The following ZNF804B variants were observed in gnomAD, a reference collection of about 807,000 sequenced individuals.
ZNF804B encodes zinc finger 804B.
ZNF804B carries 80 observed loss-of-function variants against 101.4 expected under a neutral mutation model. The observed-to-expected ratio is 0.79, with a 90% CI of 0.66 to 0.95. The LOEUF is 0.95. ZNF804B is among the 40% of genes least tolerant of loss of function. The pLI, the probability that ZNF804B is intolerant of heterozygous loss-of-function variation, is 0.00. For missense variants in ZNF804B, 1,673 were observed against 1,561.9 expected (o/e 1.07, Z -1.20); for synonymous variants, 622 against 558.8 (o/e 1.11, Z -1.59).
chr7:88,854,406 T>TCTTCCTTCCTTC (rs1554340131), intron 1 of ZNF804B, among the ~76,000 whole-genome samples: 4 of 126,740 alleles, frequency 3.2e-5, no homozygotes, highest in African/African-American at 1.3e-4. Flanking sequence ...TTTCTTTCTT[T>TCTTCCTTCCTTC]CTTTCTTCCT....
intron 1 of ZNF804B, among the ~76,000 whole-genome samples, chr7:89,008,811 A>T (rs1788410281): frequency 6.6e-6 from 1 of 151,872 alleles, no homozygotes; most frequent in South Asian, 2.1e-4. Context: ...AGACCCTTAC[A>T]CTCTATCTGC....
intron 2 of ZNF804B, among the ~76,000 whole-genome samples, chr7:89,297,475 A>G (rs919926949): frequency 6.6e-6 from 1 of 152,102 alleles, no homozygotes; most frequent in African/African-American, 2.4e-5. Context: ...ACAAATGTAC[A>G]TAGTCCACAG....
chr7:89,301,638 G>A (rs1654455238), intron 2 of ZNF804B, among the ~76,000 whole-genome samples: 1 of 151,732 alleles, frequency 6.6e-6, no homozygotes, highest in Non-Finnish European at 1.5e-5. Flanking sequence ...GTCTTTCACA[G>A]GACATATTAA....
chr7:89,321,392 T>C (rs976728032), intron 2 of ZNF804B, among the ~76,000 whole-genome samples: 34 of 152,176 alleles, frequency 2.2e-4, no homozygotes, highest in East Asian at 5.8e-4. Flanking sequence ...GACAGGAGAA[T>C]GGCATGAACC....
chr7:89,212,590 A>G (rs1189300219), intron 1 of ZNF804B, among the ~76,000 whole-genome samples: 1 of 152,160 alleles, frequency 6.6e-6, no homozygotes, highest in African/African-American at 2.4e-5. Flanking sequence ...GGTCAGGTTA[A>G]GACCCATGAA....
At chr7:88,790,254 A>G (rs999953267) in intron 1 of ZNF804B, among the ~76,000 whole-genome samples, 10 of 152,096 alleles carry the variant, frequency 6.6e-5, no homozygotes, top group Admixed American at 6.6e-5. Flanking sequence ...AGGCAACTAT[A>G]GCTTTCTTTA....
intron 1 of ZNF804B, among the ~76,000 whole-genome samples, chr7:88,779,757 T>C (rs931009006): frequency 6.6e-6 from 1 of 152,206 alleles, no homozygotes. Flanking sequence ...TTATTCCCTC[T>C]CTGTGCCACC....
In ZNF804B at chr7:89,298,214, GTGTATATATATATATATATA is replaced by G. The variant is rs1326741724; in HGVS notation, c.250-29128_250-29109del. Among the ~76,000 whole-genome samples the G allele has an allele frequency of 1.4e-3, 82 of 58,684 alleles. 3 individuals are homozygous for G. In the East Asian group the frequency reaches 0.02, roughly 14 times the overall value. 38.5% of individuals were successfully genotyped at this position (58,684 alleles called of 152,430 possible). On this transcript the variant is annotated intron_variant, in intron 2 of 3. Transcript: ENST00000333190. ...ATATATCTATATAGTGTGTGTGTGTGTGTATATATATATATATATATATATATATATATATATATATATAC... is the reference window on the plus strand; with the variant it reads ...ATATATCTATATAGTGTGTGTGTGTGTATATATATATATATATATATATAC...
intron 2 of ZNF804B, among the ~76,000 whole-genome samples, chr7:89,318,837 G>A (rs1349313915): frequency 6.6e-6 from 1 of 150,800 alleles, no homozygotes; most frequent in Non-Finnish European, 1.5e-5. Flanking sequence ...GAAATATAGA[G>A]GTGTGAAGTG....
intron 1 of ZNF804B, among the ~76,000 whole-genome samples, chr7:89,035,820 G>T (rs1429702142): frequency 4.0e-5 from 6 of 148,566 alleles, no homozygotes; most frequent in Non-Finnish European, 8.9e-5. Context: ...CGTAGGGTAT[G>T]GGAAAAATAA....
At chr7:88,969,210 A>G (rs1436916124) in intron 1 of ZNF804B, among the ~76,000 whole-genome samples, 1 of 151,618 alleles carries the variant, frequency 6.6e-6, no homozygotes, top group Non-Finnish European at 1.5e-5. Flanking sequence ...CTGAGGCTTC[A>G]TTTAGTTAAT....
intron 1 of ZNF804B, among the ~76,000 whole-genome samples, chr7:88,980,538 AC>A (rs1284608760): frequency 6.6e-6 from 1 of 152,098 alleles, no homozygotes; most frequent in African/African-American, 2.4e-5. Flanking sequence ...GCACTCCAAG[AC>A]CAGTCATGTT....
At chr7:88,943,170 CA>C (rs1329901600) in intron 1 of ZNF804B, among the ~76,000 whole-genome samples, 2 of 151,880 alleles carry the variant, frequency 1.3e-5, no homozygotes, top group Non-Finnish European at 2.9e-5. Flanking sequence ...AAATAAAAAT[CA>C]GGACTTAGTA....
intron 1 of ZNF804B, among the ~76,000 whole-genome samples, chr7:89,136,695 A>AT (rs1790638595): frequency 6.6e-6 from 1 of 151,142 alleles, no homozygotes; most frequent in African/African-American, 2.4e-5. Context: ...ATGTATCAGA[A>AT]TTTTTTCTTT....
intron 1 of ZNF804B, among the ~76,000 whole-genome samples, chr7:88,792,453 C>T (rs190585748): frequency 1.6e-4 from 24 of 152,216 alleles, no homozygotes; most frequent in African/African-American, 5.5e-4. Context: ...ATCCAATAAA[C>T]ATTTATTATC....
At chr7:89,074,261 A>G (rs1336681448) in intron 1 of ZNF804B, among the ~76,000 whole-genome samples, 2 of 152,222 alleles carry the variant, frequency 1.3e-5, no homozygotes, top group Non-Finnish European at 2.9e-5. Flanking sequence ...GAGAAAATAA[A>G]TACATATTCC....
chr7:89,008,653 C>T (rs1042286619), intron 1 of ZNF804B, among the ~76,000 whole-genome samples: 3 of 152,136 alleles, frequency 2.0e-5, no homozygotes, highest in African/African-American at 7.2e-5. Flanking sequence ...TCTCCACATT[C>T]TCACCATTAT....
At chr7:89,268,285 CTCTT>C (rs944600007) in intron 2 of ZNF804B, among the ~76,000 whole-genome samples, 13 of 152,198 alleles carry the variant, frequency 8.5e-5, no homozygotes, top group African/African-American at 2.6e-4. Flanking sequence ...CAGATTCCTC[CTCTT>C]TCTATGTTTT....
chr7:89,003,627 G>T lies in ZNF804B; in HGVS notation c.109-214528G>T, dbSNP rs140346650. Reference sequence around the variant, plus strand: ...ATTGATGAAGAAACTAAGGCTCAAAGAAATTAAGTGACTTGCTGGAAATTA... The same window carrying T: ...ATTGATGAAGAAACTAAGGCTCAAATAAATTAAGTGACTTGCTGGAAATTA... On this transcript the variant is annotated intron_variant, in intron 1 of 3. Coordinates refer to ENST00000333190, the MANE Select transcript of ZNF804B (RefSeq NM_181646.5). 3.3e-3 allele frequency among the ~76,000 whole-genome samples: 502 copies of T among 152,028 alleles called. 1 individual carries two copies. Among genetic ancestry groups the T allele is most frequent in the African/African-American group, 0.012 (486 of 41,540 alleles).
Sources: allele counts gnomAD v4.1 joint callset (sites outside exome capture counted in the v4.1 genomes callset), GRCh38; gene constraint gnomAD v4.1.1; transcripts MANE v1.5; gene names NCBI Gene and HGNC (gene_info 2026-07-23, HGNC 2026-07-21).